Variants in PCDHGB1 observed in about 807,000 individuals in gnomAD.
PCDHGB1 encodes the protein protocadherin gamma-B1.
Under a neutral mutation model 56.6 loss-of-function variants are expected in PCDHGB1, and 34 were observed. The ratio of observed to expected loss-of-function variants is 0.60; its 90% CI spans 0.46 to 0.80. The LOEUF (loss-of-function observed/expected upper bound fraction) is 0.80, where lower values mean the gene tolerates loss of function less well. Among genes scored for constraint, PCDHGB1 ranks in the 30% least tolerant of loss-of-function variants. PCDHGB1 has a pLI of 0.00. For missense variants in PCDHGB1, 1,278 were observed against 1,204.6 expected, an observed-to-expected ratio of 1.06 and a Z score of -0.90; for synonymous variants, 561 against 505.9, an observed-to-expected ratio of 1.11 and a Z score of -1.46.
chr5:141,370,282 G>C (rs1485340521), intron 1 of PCDHGB1: 2 of 938,746 alleles, frequency 2.1e-6, no homozygotes, highest in East Asian at 2.6e-5. Context: ...ACACCCATTA[G>C]AGAACCCAAG....
Position 141,393,015 on chromosome 5 carries a change from T to C in PCDHGB1, c.2409+40346T>C, listed in dbSNP as rs755462760. On this transcript the variant is annotated intron_variant, in intron 1 of 3. Transcript: ENST00000523390. The stretch of plus-strand genomic sequence containing the variant: ...GGCGAAGCACGGAGTCCGTATCGTC[T>C]CCAGAGGTAGGACGCAGCTCTTTGC... The C allele has an allele frequency of 7.9e-5, 127 of 1,613,696 alleles. No homozygotes were observed. The highest frequency in any genetic ancestry group is 1.1e-4 in the Non-Finnish European group (124 of 1,179,874).
intron 2 of PCDHGB1, among the ~76,000 whole-genome samples, chr5:141,496,775 GCAGGGCC>G (rs1025427712): frequency 6.6e-6 from 1 of 152,038 alleles, no homozygotes; most frequent in Non-Finnish European, 1.5e-5. Flanking sequence ...TCTACTATGA[GCAGGGCC>G]CTGTGCTAAA....
intron 1 of PCDHGB1, chr5:141,419,506 C>T (rs527369615): frequency 6.2e-7 from 1 of 1,612,352 alleles, no homozygotes; most frequent in Non-Finnish European, 8.5e-7. Context: ...TGAGCCTGCG[C>T]GTGTTGGTGG....
chr5:141,438,721 G>A (rs886300746), intron 1 of PCDHGB1, among the ~76,000 whole-genome samples: 30 of 148,304 alleles, frequency 2.0e-4, no homozygotes, highest in Non-Finnish European at 7.4e-5. Flanking sequence ...AGTGCAAGTG[G>A]TGTGATCTCA....
intron 1 of PCDHGB1, chr5:141,366,640 T>G: frequency 3.7e-6 from 6 of 1,614,186 alleles, no homozygotes; most frequent in Non-Finnish European, 4.2e-6. Flanking sequence ...ACCTGATCTT[T>G]CCCCAGCCCA....
In PCDHGB1 at chr5:141,370,188, T is replaced by G. The variant is rs1036214596; in HGVS notation, c.2409+17519T>G. ...AGAGGCGCCGGGTGCCGCTCTTGGCTAGTGCTGTGCAAAATATTGGCTCCT... is the reference window on the plus strand; with the variant it reads ...AGAGGCGCCGGGTGCCGCTCTTGGCGAGTGCTGTGCAAAATATTGGCTCCT... On this transcript the variant is annotated intron_variant, in intron 1 of 3. Transcript: ENST00000523390. 2.9e-4 allele frequency: 151 copies of G among 511,926 alleles called. 1 individual carries two copies. In the East Asian group the frequency reaches 4.2e-3, roughly 14 times the overall value. 31.7% of individuals were successfully genotyped at this position (511,926 alleles called of 1,614,324 possible).
chr5:141,403,390 G>T (rs1471861396), intron 1 of PCDHGB1: 14 of 1,614,038 alleles, frequency 8.7e-6, no homozygotes, highest in African/African-American at 1.3e-5. Context: ...ACGAAATCGC[G>T]GTTCCTGGAG....
intron 1 of PCDHGB1, chr5:141,428,464 G>A (rs904800167): frequency 1.1e-4 from 37 of 344,652 alleles, no homozygotes; most frequent in African/African-American, 6.3e-4. Context: ...CTACAATGAG[G>A]GAACTTTGCT....
chr5:141,427,710 G>T, intron 1 of PCDHGB1: 2 of 1,033,628 alleles, frequency 1.9e-6, no homozygotes, highest in South Asian at 2.6e-5. Context: ...CAGCGCCTCT[G>T]ACCTGGACCT....
intron 1 of PCDHGB1, chr5:141,394,793 C>T (rs1178290546): frequency 1.1e-5 from 17 of 1,613,654 alleles, no homozygotes; most frequent in African/African-American, 2.7e-5. Flanking sequence ...CTGTCACGCT[C>T]ACCGTAGCCG....
In PCDHGB1 at chr5:141,350,432, G is replaced by C. The variant is rs139554138; in HGVS notation, c.172G>C (p.Glu58Gln). 1.4e-3 allele frequency: 2,289 copies of C among 1,610,622 alleles called. 30 individuals are homozygous for C. In the East Asian group the frequency reaches 0.023, roughly 16 times the overall value. The change falls in exon 1 of 4, where the codon GAG becomes CAG. Residue 58 changes from glutamate to glutamine, a missense_variant. Transcript: ENST00000523390. ...CAAGGATCTGGGGCTCAGTGTCCGG[G>C]AGTTGCCAACTCGAAAACTGCGGGT... ...LAKDLGLSVR[E>Q]LPTRKLRVSA...
At chr5:141,449,252 T>C (rs1401555556) in intron 1 of PCDHGB1, among the ~76,000 whole-genome samples, 1 of 152,144 alleles carries the variant, frequency 6.6e-6, no homozygotes, top group Non-Finnish European at 1.5e-5. Flanking sequence ...GTTGCAAGAA[T>C]TGTACAAAGA....
chr5:141,404,741 G>C, intron 1 of PCDHGB1: 1 of 1,614,072 alleles, frequency 6.2e-7, no homozygotes, highest in South Asian at 1.1e-5. Context: ...AGTGGACAGA[G>C]ACTCAGGCCA....
At chr5:141,388,632 A>C in intron 1 of PCDHGB1, 1 of 1,613,958 alleles carries the variant, frequency 6.2e-7, no homozygotes, top group Non-Finnish European at 8.5e-7. Context: ...ATACAGGGTG[A>C]GCCTTTCAGA....
chr5:141,427,743 T>A, intron 1 of PCDHGB1: 5 of 1,249,166 alleles, frequency 4.0e-6, no homozygotes, highest in Non-Finnish European at 5.8e-6. Context: ...CCAAGTCTCC[T>A]ACTCCATCGT....
At chr5:141,461,602 A>G (rs971808608) in intron 1 of PCDHGB1, among the ~76,000 whole-genome samples, 2 of 152,172 alleles carry the variant, frequency 1.3e-5, no homozygotes, top group African/African-American at 4.8e-5. Flanking sequence ...ATTATAATTT[A>G]GTTCAAAGTA....
chr5:141,411,184 G>A (rs1478666914), intron 1 of PCDHGB1: 1 of 152,108 alleles, frequency 6.6e-6, no homozygotes, highest in Admixed American at 6.6e-5. Context: ...AGTGGTCTTG[G>A]CATCTAAGAA....
chr5:141,364,224 C>A (rs538812851), intron 1 of PCDHGB1: 2 of 1,356,132 alleles, frequency 1.5e-6, no homozygotes, highest in East Asian at 5.0e-5. Flanking sequence ...GAAAAGCCAA[C>A]GCTCCACGCC....
At chr5:141,419,775 G>C in intron 1 of PCDHGB1, 1 of 1,614,016 alleles carries the variant, frequency 6.2e-7, no homozygotes, top group Non-Finnish European at 8.5e-7. Flanking sequence ...GACTCGGTCC[G>C]CCAGCGCCTG....
Sources: allele counts gnomAD v4.1 joint callset (sites outside exome capture counted in the v4.1 genomes callset), GRCh38; gene constraint gnomAD v4.1.1; transcripts MANE v1.5; gene names NCBI Gene and HGNC (gene_info 2026-07-23, HGNC 2026-07-21).